The following TMC1 variants were observed in gnomAD, a reference collection of about 807,000 sequenced individuals.
The protein encoded by TMC1 is transmembrane channel-like protein 1.
TMC1 carries 84 observed loss-of-function variants against 105.8 expected under a neutral mutation model. That is an observed-to-expected ratio of 0.79 (90% CI 0.67 to 0.95). TMC1 has a LOEUF of 0.95. Ranked by LOEUF, TMC1 falls within the 40% of genes least tolerant of loss-of-function variation. The probability of loss-of-function intolerance (pLI) is 0.00; values close to 1 mark genes in which losing one functional copy is unlikely to be tolerated. For missense variants in TMC1, 817 were observed against 914.1 expected (o/e 0.89, Z 1.37); for synonymous variants, 315 against 311.5 (o/e 1.01, Z -0.12).
chr9:72,564,834 G>A (rs977260684), intron 1 of TMC1, among the ~76,000 whole-genome samples: 1 of 152,154 alleles, frequency 6.6e-6, no homozygotes, highest in East Asian at 1.9e-4. Context: ...CCACTTTGTG[G>A]AACTGGGCAG....
intron 1 of TMC1, among the ~76,000 whole-genome samples, chr9:72,542,858 T>G (rs1823701624): frequency 6.6e-6 from 1 of 151,690 alleles, no homozygotes; most frequent in African/African-American, 2.4e-5. Context: ...TTTTGTACTT[T>G]TAGTAGAGAT....
chr9:72,608,121 C>CT (rs1049087403), intron 2 of TMC1, among the ~76,000 whole-genome samples: 11 of 152,118 alleles, frequency 7.2e-5, no homozygotes, highest in African/African-American at 2.7e-4. Context: ...TTCAGATCTG[C>CT]TTTTTTTGTG....
chr9:72,607,286 G>A (rs181921520), intron 2 of TMC1, among the ~76,000 whole-genome samples: 20 of 152,152 alleles, frequency 1.3e-4, no homozygotes, highest in Middle Eastern at 3.4e-3. Context: ...TGATTTCTTC[G>A]TCATAAAACA....
At chr9:72,624,666 A>C (rs1825315116) in intron 3 of TMC1, among the ~76,000 whole-genome samples, 1 of 152,198 alleles carries the variant, frequency 6.6e-6, no homozygotes, top group Non-Finnish European at 1.5e-5. Flanking sequence ...ACACTAGCCC[A>C]ATTATGCACC....
intron 1 of TMC1, among the ~76,000 whole-genome samples, chr9:72,537,816 T>G (rs577199242): frequency 6.6e-6 from 1 of 152,298 alleles, no homozygotes; most frequent in Admixed American, 6.5e-5. Context: ...AATGGTTGAA[T>G]GAGTTAAGCT....
At chr9:72,624,866 T>C (rs137922529) in intron 3 of TMC1, among the ~76,000 whole-genome samples, 2 of 152,342 alleles carry the variant, frequency 1.3e-5, no homozygotes, top group African/African-American at 4.8e-5. Flanking sequence ...TGGGAAGTAG[T>C]GAGGATGACC....
At chr9:72,601,845 A>C (rs1824821812) in intron 2 of TMC1, among the ~76,000 whole-genome samples, 4 of 152,210 alleles carry the variant, frequency 2.6e-5, no homozygotes. Context: ...TCAAATGAAA[A>C]CAAAACCAAA....
intron 23 of TMC1, 46 bp downstream of exon 23, chr9:72,830,728 CTTTT>C (rs747829217): frequency 3.1e-6 from 4 of 1,284,002 alleles, no homozygotes; most frequent in African/African-American, 3.1e-5. Flanking sequence ...TTTTCTTTTT[CTTTT>C]TCTTTCTTTT....
At chr9:72,555,475 C>T (rs1218961388) in intron 1 of TMC1, among the ~76,000 whole-genome samples, 1 of 152,154 alleles carries the variant, frequency 6.6e-6, no homozygotes, top group East Asian at 1.9e-4. Context: ...GCGTGAGATA[C>T]TGCGCCCGGC....
chr9:72,819,210 A>G (rs1178687745), intron 19 of TMC1, among the ~76,000 whole-genome samples: 2 of 152,224 alleles, frequency 1.3e-5, no homozygotes, highest in Non-Finnish European at 2.9e-5. Flanking sequence ...CTAGCAGAGA[A>G]TGAAGAGAAG....
At chr9:72,769,541 C>T (rs1251597229) in intron 12 of TMC1, among the ~76,000 whole-genome samples, 5 of 152,170 alleles carry the variant, frequency 3.3e-5, no homozygotes, top group Non-Finnish European at 7.3e-5. Context: ...TCAAATCAGT[C>T]ACTTTTCCCC....
At chr9:72,569,950 G>A (rs1376428996) in intron 1 of TMC1, among the ~76,000 whole-genome samples, 1 of 152,082 alleles carries the variant, frequency 6.6e-6, no homozygotes. Context: ...GGTAGCATTG[G>A]GATAAGGGTG....
intron 20 of TMC1, among the ~76,000 whole-genome samples, chr9:72,822,822 C>T (rs751037766): frequency 6.6e-6 from 1 of 152,150 alleles, no homozygotes; most frequent in African/African-American, 2.4e-5. Flanking sequence ...CCCTAGCTGC[C>T]TGTAAGGGAA....
chr9:72,669,202 G>A (rs912291023), intron 5 of TMC1, among the ~76,000 whole-genome samples: 4 of 152,092 alleles, frequency 2.6e-5, no homozygotes, highest in African/African-American at 9.7e-5. Flanking sequence ...CCAGATACCC[G>A]GGAAGCTGAG....
At chr9:72,535,828 G>A (rs1189535176) in intron 1 of TMC1, among the ~76,000 whole-genome samples, 2 of 152,166 alleles carry the variant, frequency 1.3e-5, no homozygotes, top group Non-Finnish European at 2.9e-5. Context: ...GTGTGGAGAG[G>A]TGCCAGGCTC....
chr9:72,594,514 C>A (rs1304583889), intron 2 of TMC1, among the ~76,000 whole-genome samples: 2 of 152,140 alleles, frequency 1.3e-5, no homozygotes, highest in African/African-American at 4.8e-5. Context: ...CCCTTTCCGG[C>A]ATCTGCTGTT....
chr9:72,523,019 TC>T (rs1823342208), intron 1 of TMC1, among the ~76,000 whole-genome samples: 1 of 152,132 alleles, frequency 6.6e-6, no homozygotes, highest in South Asian at 2.1e-4. Flanking sequence ...TTTCCAAATG[TC>T]CCCTGAGGAG....
chr9:72,571,376 T>TTTTC (rs113580173), intron 1 of TMC1, among the ~76,000 whole-genome samples: 1 of 149,198 alleles, frequency 6.7e-6, no homozygotes, highest in African/African-American at 2.5e-5. Context: ...ACTTCTCTCT[T>TTTTC]TCTCTCTCTC....
chr9:72,794,738 A>G (rs771965977), intron 17 of TMC1, among the ~76,000 whole-genome samples: 1 of 152,164 alleles, frequency 6.6e-6, no homozygotes, highest in African/African-American at 2.4e-5. Flanking sequence ...CCTCCAAACA[A>G]CCACACCAGT....
Sources: allele counts gnomAD v4.1 joint callset (sites outside exome capture counted in the v4.1 genomes callset), GRCh38; gene constraint gnomAD v4.1.1; transcripts MANE v1.5; gene names NCBI Gene and HGNC (gene_info 2026-07-23, HGNC 2026-07-21).